The following RFPL3 variants were observed in gnomAD, a reference collection of about 807,000 sequenced individuals.
RFPL3 encodes ret finger protein-like 3.
In RFPL3, 8 loss-of-function variants were observed where a neutral mutation model predicts 8.7. The observed-to-expected ratio is 0.92, with a 90% CI of 0.54 to 1.66. The LOEUF is 1.66. Ranked by LOEUF, RFPL3 falls within the 40% of genes most tolerant of loss-of-function variation. The probability of loss-of-function intolerance (pLI) is 0.00; values close to 1 mark genes in which losing one functional copy is unlikely to be tolerated. For missense variants in RFPL3, 341 were observed against 395.0 expected (o/e 0.86, Z 1.16); for synonymous variants, 145 against 150.5 (o/e 0.96, Z 0.27).
Position 32,360,735 on chromosome 22 carries a change from C to T in RFPL3, c.857C>T (p.Ser286Leu). The change falls in exon 2 of 2, where the codon TCA becomes TTA. Residue 286 changes from serine (S) to leucine (L), a missense_variant. Transcript: ENST00000249007. ...CCACTGCGCCCATTTTTGGCTCCTT[C>T]AATTCCACCTAATGGTGATCAAGGT... The part of the protein sequence containing the change: ...EEPLRPFLAP[S>L]IPPNGDQGVL... The T allele has an allele frequency of 1.9e-6, 3 of 1,613,956 alleles. No homozygotes were observed. The highest frequency in any genetic ancestry group is 2.5e-6 in the Non-Finnish European group (3 of 1,179,938).
chr22:32,355,461 G>A (rs1429960321), upstream of RFPL3, among the ~76,000 whole-genome samples: 1 of 151,976 alleles, frequency 6.6e-6, no homozygotes, highest in African/African-American at 2.4e-5. Flanking sequence ...TTCCACCCGA[G>A]ACCCAGGATC....
At position 32,360,792 on chromosome 22, in the gene RFPL3, G is replaced by A. The variant is rs143629375; in HGVS notation, c.914G>A (p.Gly305Asp). The change falls in exon 2 of 2, where the codon GGC (glycine) becomes GAC (aspartate). Residue 305 changes from glycine (G) to aspartate (D), a missense_variant. Gly to Asp is a moderately conservative substitution (Grantham distance 94). Transcript: ENST00000249007. Reference sequence around the variant, plus strand: ...AGCATCTGTCCTTTGATGAACTCAGGCACTACTGATGCTCCAGTCCGTCCT... The same window carrying A: ...AGCATCTGTCCTTTGATGAACTCAGACACTACTGATGCTCCAGTCCGTCCT... ...VLSICPLMNSGTTDAPVRPGE... is the reference protein window; with the variant it reads ...VLSICPLMNSDTTDAPVRPGE... 476 of 1,588,426 alleles carry A rather than the reference G, an allele frequency of 3.0e-4. No homozygotes were observed. The highest frequency in any genetic ancestry group is 6.8e-4 in the Middle Eastern group (4 of 5,916).
Position 32,360,609 on chromosome 22 carries a change from G to A in RFPL3, c.731G>A (p.Arg244Gln), listed in dbSNP as rs747783436. The A allele has an allele frequency of 9.3e-6, 15 of 1,613,168 alleles. No individual in the cohort carries two copies. Among genetic ancestry groups the A allele is most frequent in the Admixed American group, 8.3e-5 (5 of 59,954 alleles). ...TFLLVDRKLQ[R>Q]VGIFLDMGMQ... ...CTCTTAGTAGACCGCAAGTTACAGC[G>A]AGTGGGGATTTTTCTGGATATGGGC... Residue 244 changes from arginine (R) to glutamine (Q), a missense_variant, in exon 2 of 2, where the codon CGA becomes CAA. Physicochemically the swap from Arg to Gln is conservative, Grantham distance 43. Transcript: ENST00000249007.
rs754851378 is a variant in RFPL3 at position 32,358,236 on chromosome 22, T to G, written c.165T>G (p.Cys55Trp). The change falls in exon 1 of 2, where the codon TGT becomes TGG. Residue 55 changes from cysteine (C) to tryptophan (W), a missense_variant. Transcript: ENST00000249007. ...TGGAAAAACCAATGTCCCTGGAGTG[T>G]GGATGCACCGTCTGCCTCAAGTGCA... Reference protein sequence around the residue: ...DYLEKPMSLECGCTVCLKCIN... With the variant: ...DYLEKPMSLEWGCTVCLKCIN... The G allele has an allele frequency of 2.5e-6, 4 of 1,613,982 alleles. No homozygotes were observed. The Admixed American group carries it at 6.7e-5, about 27-fold the overall frequency.
chr22:32,357,540 C>T (rs562604260), upstream of RFPL3, among the ~76,000 whole-genome samples: 9 of 151,934 alleles, frequency 5.9e-5, no homozygotes, highest in Non-Finnish European at 5.9e-5. Context: ...AATCTTGGCT[C>T]AGTGCAACTT....
chr22:32,360,566 A>T lies in RFPL3; in HGVS notation c.688A>T (p.Thr230Ser). 2 of 1,613,916 alleles carry T rather than the reference A, an allele frequency of 1.2e-6. No individual in the cohort carries two copies. The highest frequency in any genetic ancestry group is 2.2e-5 in the South Asian group (2 of 91,070). The change falls in exon 2 of 2, where the codon ACG (threonine) becomes TCG (serine). Residue 230 changes from threonine to serine, a missense_variant. By Grantham distance (58) the Thr-to-Ser change is moderately conservative (BLOSUM62 1). Transcript: ENST00000249007. ...GGATGGAAGCCGCCTCTCTGCCAGC[A>T]CGGTGCCGCTGACTTTCCTCTTAGT... Reference protein sequence around the residue: ...LRDGSRLSASTVPLTFLLVDR... With the variant: ...LRDGSRLSASSVPLTFLLVDR...
At chr22:32,358,866 A>G (rs1284722601) in intron 1 of RFPL3, among the ~76,000 whole-genome samples, 1 of 152,232 alleles carries the variant, frequency 6.6e-6, no homozygotes, top group Non-Finnish European at 1.5e-5. Flanking sequence ...TTTCTAATGC[A>G]CAGTGAATAT....
upstream of RFPL3, among the ~76,000 whole-genome samples, chr22:32,355,142 T>G (rs182373074): frequency 8.6e-5 from 13 of 151,570 alleles, no homozygotes; most frequent in East Asian, 2.7e-3. Context: ...TCTGATTGGA[T>G]GAGGAAAACC....
At chr22:32,357,136 G>A (rs1932693280), upstream of RFPL3, 1 of 207,322 alleles carries the variant, frequency 4.8e-6, no homozygotes, top group South Asian at 7.2e-5. Flanking sequence ...GGTGTGACAT[G>A]AGGTTCCTAA....
At chr22:32,359,419 ATT>A (rs201804400) in intron 1 of RFPL3, among the ~76,000 whole-genome samples, 10,843 of 149,274 alleles carry the variant, frequency 0.073, 826 homozygotes, top group East Asian at 0.46. Context: ...TATTTTGTAG[ATT>A]TTTTTTTTTC....
chr22:32,360,462 G>T lies in RFPL3; in HGVS notation c.584G>T (p.Gly195Val), dbSNP rs1242975851. ...DVGTSTEWDL[G>V]VCRESVHCKG... ...GGAACAAGCACAGAATGGGACCTGG[G>T]AGTCTGCAGAGAATCTGTTCACTGC... is the stretch of plus-strand genomic sequence containing the variant. The change falls in exon 2 of 2, where the codon GGA becomes GTA. Residue 195 changes from glycine (G) to valine (V), a missense_variant. Gly to Val is a moderately radical substitution (Grantham distance 109). Coordinates refer to ENST00000249007, the MANE Select transcript of RFPL3 (RefSeq NM_001098535.1). 1.2e-6 allele frequency: 2 copies of T among 1,613,950 alleles called. No homozygotes were observed. The highest frequency in any genetic ancestry group is 1.7e-6 in the Non-Finnish European group (2 of 1,179,872).
At position 32,358,169 on chromosome 22, in the gene RFPL3, T is replaced by C. The variant is rs754584655; in HGVS notation, c.98T>C (p.Leu33Pro). The change falls in exon 1 of 2, where the codon CTC (leucine) becomes CCC (proline). Residue 33 changes from leucine to proline, a missense_variant. Leu to Pro is a moderately conservative substitution (Grantham distance 98, BLOSUM62 -3). Coordinates refer to ENST00000249007, the MANE Select transcript of RFPL3 (RefSeq NM_001098535.1). ...TFPLAVDMAA[L>P]FQEASSCPVC... ...CCCCTGGCAGTGGACATGGCTGCAC[T>C]CTTCCAAGAAGCAAGCAGCTGTCCC... The C allele has an allele frequency of 6.2e-6, 10 of 1,613,872 alleles. No homozygotes were observed. Among genetic ancestry groups the C allele is most frequent in the Non-Finnish European group, 8.5e-6 (10 of 1,179,870 alleles).
At chr22:32,358,540 G>A in intron 1 of RFPL3, 96 bp downstream of exon 1, 1 of 1,484,822 alleles carries the variant, frequency 6.7e-7, no homozygotes, top group Non-Finnish European at 9.1e-7. Flanking sequence ...ATTAGCTGCT[G>A]TCTGGCACCT....
upstream of RFPL3, chr22:32,357,094 C>A: frequency 6.2e-6 from 2 of 324,158 alleles, no homozygotes; most frequent in South Asian, 5.1e-5. Flanking sequence ...CAGTGTAGGA[C>A]CCCTCAGACA....
upstream of RFPL3, among the ~76,000 whole-genome samples, chr22:32,355,800 AG>A (rs1204341180): frequency 3.4e-5 from 5 of 146,748 alleles, no homozygotes; most frequent in African/African-American, 1.0e-4. Context: ...AAAAAAAAAA[AG>A]AAAGAAAAGA....
upstream of RFPL3, among the ~76,000 whole-genome samples, chr22:32,355,567 G>A (rs923195734): frequency 1.3e-5 from 2 of 152,070 alleles, no homozygotes; most frequent in African/African-American, 2.4e-5. Flanking sequence ...TCCTAGAGCT[G>A]CCAGGCAGCC....
In RFPL3 at chr22:32,360,212, T is replaced by C. The variant is rs1383676471; in HGVS notation, c.374-40T>C. 1.9e-6 allele frequency: 3 copies of C among 1,583,408 alleles called. No homozygotes were observed. The African/African-American group carries it at 4.0e-5, about 21-fold the overall frequency. On this transcript the variant is annotated intron_variant, in intron 1 of 1. Coordinates refer to ENST00000249007, the MANE Select transcript of RFPL3 (RefSeq NM_001098535.1). Reference sequence around the variant, plus strand: ...AGTAGAAGAGAGGCATGGGGTTGGCTTCTGTCCACTTGCTGAGCAACTTGT... The same window carrying C: ...AGTAGAAGAGAGGCATGGGGTTGGCCTCTGTCCACTTGCTGAGCAACTTGT...
At position 32,358,249 on chromosome 22, in the gene RFPL3, T is replaced by G. The variant is rs1220339978; in HGVS notation, c.178T>G (p.Cys60Gly). The change falls in exon 1 of 2, where the codon TGC becomes GGC. Residue 60 changes from cysteine to glycine, a missense_variant. Cys to Gly is a radical substitution (Grantham distance 159, BLOSUM62 -3). Coordinates refer to ENST00000249007, the MANE Select transcript of RFPL3 (RefSeq NM_001098535.1). ...GTCCCTGGAGTGTGGATGCACCGTC[T>G]GCCTCAAGTGCATCAATTCGCTGCA... ...PMSLECGCTV[C>G]LKCINSLQKE... 1 of 1,613,990 alleles carries G rather than the reference T, an allele frequency of 6.2e-7. No individual in the cohort carries two copies. The highest frequency in any genetic ancestry group is 1.1e-5 in the South Asian group (1 of 91,072).
At chr22:32,357,544 G>A (rs139007293), upstream of RFPL3, among the ~76,000 whole-genome samples, 1,556 of 151,946 alleles carry the variant, frequency 0.01, 15 homozygotes, top group Non-Finnish European at 0.018. Context: ...TTGGCTCAGT[G>A]CAACTTCTGC....
Sources: allele counts gnomAD v4.1 joint callset (sites outside exome capture counted in the v4.1 genomes callset), GRCh38; gene constraint gnomAD v4.1.1; transcripts MANE v1.5; gene names NCBI Gene and HGNC (gene_info 2026-07-23, HGNC 2026-07-21).